Variants in SPATS2L observed in about 807,000 individuals in gnomAD.
The protein encoded by SPATS2L is SPATS2-like protein.
Under a neutral mutation model 59.6 loss-of-function variants are expected in SPATS2L, and 30 were observed. That is an observed-to-expected ratio of 0.50 (90% CI 0.38 to 0.68). SPATS2L has a LOEUF of 0.68. Ranked by LOEUF, SPATS2L falls within the 30% of genes least tolerant of loss-of-function variation. SPATS2L has a pLI of 0.00. For synonymous variants in SPATS2L, 252 were observed against 263.5 expected (o/e 0.96, Z 0.42); for missense variants, 615 against 700.0 (o/e 0.88, Z 1.37).
chr2:200,319,306 CTG>C (rs1411906364), intron 1 of SPATS2L, among the ~76,000 whole-genome samples: 1 of 152,170 alleles, frequency 6.6e-6, no homozygotes, highest in Non-Finnish European at 1.5e-5. Context: ...TGGCTCACGC[CTG>C]TAATCCCAGC....
intron 2 of SPATS2L, among the ~76,000 whole-genome samples, chr2:200,374,280 G>A (rs1296256358): frequency 6.6e-6 from 1 of 152,030 alleles, no homozygotes; most frequent in African/African-American, 2.4e-5. Context: ...TTCTGCAAGC[G>A]AAGTTTCACT....
At chr2:200,429,260 A>G (rs1487295013) in intron 6 of SPATS2L, among the ~76,000 whole-genome samples, 1 of 152,242 alleles carries the variant, frequency 6.6e-6, no homozygotes, top group Non-Finnish European at 1.5e-5. Flanking sequence ...AGCATTGTTA[A>G]TTAAAACAGT....
chr2:200,371,063 T>C (rs1249660361), intron 2 of SPATS2L, among the ~76,000 whole-genome samples: 1 of 152,172 alleles, frequency 6.6e-6, no homozygotes, highest in Non-Finnish European at 1.5e-5. Context: ...GGGTTTTAAT[T>C]GATTGTCGGC....
At chr2:200,313,108 A>G (rs1239466957) in intron 1 of SPATS2L, among the ~76,000 whole-genome samples, 1 of 152,162 alleles carries the variant, frequency 6.6e-6, no homozygotes, top group Non-Finnish European at 1.5e-5. Flanking sequence ...GCTTTTTCTT[A>G]TACCACCCTG....
rs1374998025 is a variant in SPATS2L, at chr2:200,329,513, C to T, written c.-23+33C>T. The T allele has an allele frequency of 2.6e-6, 4 of 1,535,160 alleles. No homozygotes were observed. In the Admixed American group the frequency reaches 5.9e-5, roughly 23 times the overall value. On this transcript the variant is annotated intron_variant, in intron 2 of 12. Transcript: ENST00000409140. ...GAGATGGTCCTTCCCTCTCTGTGAC[C>T]TCCTCCTGCTGCCATGGCCAGCTGT...
intron 2 of SPATS2L, among the ~76,000 whole-genome samples, chr2:200,386,740 G>A (rs2082004871): frequency 6.6e-6 from 1 of 152,164 alleles, no homozygotes; most frequent in Admixed American, 6.5e-5. Context: ...AGTCATTGTG[G>A]CTCACAGATT....
intron 6 of SPATS2L, among the ~76,000 whole-genome samples, chr2:200,432,197 A>C (rs2083979187): frequency 6.6e-6 from 1 of 152,220 alleles, no homozygotes; most frequent in Non-Finnish European, 1.5e-5. Context: ...AAGGAAGTAG[A>C]TGGAAGGGGC....
At chr2:200,338,903 A>G (rs945017660) in intron 2 of SPATS2L, among the ~76,000 whole-genome samples, 1 of 152,236 alleles carries the variant, frequency 6.6e-6, no homozygotes, top group African/African-American at 2.4e-5. Context: ...CAAATTTCTC[A>G]TCAAAGCTGA....
chr2:200,344,743 CTTT>C (rs940406724), intron 2 of SPATS2L, among the ~76,000 whole-genome samples: 2 of 152,112 alleles, frequency 1.3e-5, no homozygotes, highest in African/African-American at 2.4e-5. Context: ...TATTTTTTGA[CTTT>C]TTAATAATAG....
At position 200,478,192 on chromosome 2, in the gene SPATS2L, T is replaced by TCTG; in HGVS notation, c.*161_*162insCTG. ...ACTAATTCTAATAATCAGCTCTAGC[T>TCTG]TGCTTCATAATTTTCATGGCTTTGC... On this transcript the variant is annotated 3_prime_UTR_variant, in exon 13 of 13. Transcript: ENST00000409140. 1.5e-6 allele frequency: 1 copy of TCTG among 653,150 alleles called. No individual in the cohort carries two copies. Among genetic ancestry groups the TCTG allele is most frequent in the South Asian group, 4.0e-5 (1 of 24,994 alleles). The allele number at this position is 653,150 out of a possible 1,614,324, so 40.5% of individuals were successfully genotyped here.
At chr2:200,336,816 A>G (rs984366079) in intron 2 of SPATS2L, among the ~76,000 whole-genome samples, 2 of 152,218 alleles carry the variant, frequency 1.3e-5, no homozygotes, top group South Asian at 2.1e-4. Flanking sequence ...AAATGTTAGT[A>G]TATTGTCCCC....
rs1340991139 is a variant in SPATS2L, at chr2:200,477,954, A to G, written c.1600A>G (p.Asn534Asp). The G allele has an allele frequency of 6.2e-7, 1 of 1,609,632 alleles. No individual in the cohort carries two copies. Among genetic ancestry groups the G allele is most frequent in the Non-Finnish European group, 8.5e-7 (1 of 1,178,584 alleles). The change falls in exon 13 of 13, where the codon AAT becomes GAT. Residue 534 changes from asparagine (N) to aspartate (D), a missense_variant. This residue lies in a region of SPATS2L where 284 missense variants were observed against 280.1 expected (regional missense o/e 1.01). Coordinates refer to ENST00000409140, the MANE Select transcript of SPATS2L (RefSeq NM_001100423.2). The part of the protein sequence containing the change: ...RGSVGRVSQC[N>D]LCPTRIEVST... The stretch of plus-strand genomic sequence containing the variant: ...TAGTGTCGGTAGGGTTTCACAGTGC[A>G]ATCTCTGCCCCACGAGAATAGAAGT...
At chr2:200,403,596 C>A (rs1315846794) in intron 3 of SPATS2L, among the ~76,000 whole-genome samples, 1 of 152,150 alleles carries the variant, frequency 6.6e-6, no homozygotes, top group African/African-American at 2.4e-5. Flanking sequence ...TCATCCTCCC[C>A]CTTCATAGAC....
At chr2:200,383,023 C>T (rs928155415) in intron 2 of SPATS2L, among the ~76,000 whole-genome samples, 22 of 152,124 alleles carry the variant, frequency 1.4e-4, no homozygotes, top group African/African-American at 5.3e-4. Context: ...GTAGTTCTCA[C>T]GGTTTTGCTA....
chr2:200,386,253 T>C, intron 2 of SPATS2L, among the ~76,000 whole-genome samples: 1 of 152,044 alleles, frequency 6.6e-6, no homozygotes, highest in Non-Finnish European at 1.5e-5. Flanking sequence ...AAGGAATGGG[T>C]CCCTGTAATT....
chr2:200,370,162 T>C (rs544226917), intron 2 of SPATS2L, among the ~76,000 whole-genome samples: 7 of 152,184 alleles, frequency 4.6e-5, no homozygotes, highest in South Asian at 2.1e-4. Context: ...AGCTTGGTGA[T>C]TGACAAAAAG....
rs137975378 is a variant in SPATS2L, at chr2:200,368,247, C to T, written c.-22-20976C>T. ...AAAAAATTCAGTGTCCAGGAGAGTT[C>T]CTCACATGTGGTGGACAATACATAG... is the stretch of plus-strand genomic sequence containing the variant. On this transcript the variant is annotated intron_variant, in intron 2 of 12. Transcript: ENST00000409140. Among the ~76,000 whole-genome samples, 529 of 152,240 alleles carry T rather than the reference C, an allele frequency of 3.5e-3. 1 individual carries two copies. Among genetic ancestry groups the T allele is most frequent in the Middle Eastern group, 0.024 (7 of 294 alleles).
At chr2:200,448,207 T>C (rs541178063) in intron 8 of SPATS2L, among the ~76,000 whole-genome samples, 182 of 152,238 alleles carry the variant, frequency 1.2e-3, no homozygotes, top group Non-Finnish European at 1.9e-3. Context: ...TTTGGGAGGC[T>C]GAGGTGGGTA....
chr2:200,370,243 A>G (rs1040672586), intron 2 of SPATS2L, among the ~76,000 whole-genome samples: 8 of 152,266 alleles, frequency 5.3e-5, no homozygotes, highest in African/African-American at 1.9e-4. Context: ...AAAGCAAGTG[A>G]TAATCATTAG....
Sources: allele counts gnomAD v4.1 joint callset (sites outside exome capture counted in the v4.1 genomes callset), GRCh38; gene constraint gnomAD v4.1.1; regional missense constraint gnomAD v4.1.1; transcripts MANE v1.5; gene names NCBI Gene and HGNC (gene_info 2026-07-23, HGNC 2026-07-21).